Variants in GRSF1 observed in about 807,000 individuals in gnomAD.
The protein encoded by GRSF1 is G-rich RNA sequence binding factor 1.
Under a neutral mutation model 51.1 loss-of-function variants are expected in GRSF1, and 50 were observed. That is an observed-to-expected ratio of 0.98 (90% CI 0.78 to 1.24). GRSF1 has a LOEUF of 1.24. Among genes scored for constraint, GRSF1 ranks in the 50% most tolerant of loss-of-function variants. The probability of loss-of-function intolerance (pLI) is 0.00; values close to 1 mark genes in which losing one functional copy is unlikely to be tolerated. For synonymous variants in GRSF1, 293 were observed against 253.3 expected (o/e 1.16, Z -1.49); for missense variants, 700 against 639.7 (o/e 1.09, Z -1.02).
intron 9 of GRSF1, among the ~76,000 whole-genome samples, chr4:70,823,866 T>G (rs1560593953): frequency 6.7e-6 from 1 of 149,760 alleles, no homozygotes; most frequent in Non-Finnish European, 1.5e-5. Context: ...ACCTAGTCCC[T>G]AAAAAAATTT....
Position 70,839,732 on chromosome 4 carries a change from G to T in GRSF1, c.96C>A (p.Phe32Leu). ...CRRTGAACLP[F>L]YSAAGSIPSG... is the part of the protein sequence containing the mutation. Reference sequence around the variant, plus strand: ...ACGGGATAGAGCCAGCGGCGGAGTAGAAGGGCAGGCAGGCGGCGCCGGTGC... The same window carrying T: ...ACGGGATAGAGCCAGCGGCGGAGTATAAGGGCAGGCAGGCGGCGCCGGTGC... The change falls in exon 1 of 10, where the codon TTC becomes TTA. Residue 32 changes from phenylalanine (F) to leucine (L), a missense_variant. Transcript: ENST00000254799. 6.7e-7 allele frequency: 1 copy of T among 1,501,750 alleles called. No homozygotes were observed. Among genetic ancestry groups the T allele is most frequent in the Non-Finnish European group, 8.8e-7 (1 of 1,133,038 alleles). The allele number at this position is 1,501,750 out of a possible 1,614,324, so 93.0% of individuals were successfully genotyped here. A position where few individuals can be genotyped will look rare whatever the true frequency, so the allele number is the denominator to read the frequency against.
chr4:70,825,380 C>T lies in GRSF1; in HGVS notation c.1309G>A (p.Gly437Arg). 6.2e-7 allele frequency: 1 copy of T among 1,612,000 alleles called. No homozygotes were observed. The highest frequency in any genetic ancestry group is 8.5e-7 in the Non-Finnish European group (1 of 1,178,668). The change falls in exon 8 of 10, where the codon GGG becomes AGG. Residue 437 changes from glycine (G) to arginine (R), a missense_variant. Coordinates refer to ENST00000254799, the MANE Select transcript of GRSF1 (RefSeq NM_002092.4). ...ACATCAGCTTCTCCAGTGGCCTTCC[C>T]ACTGGAGCTGTATTCCATGGTGATT... ...VRITMEYSSS[G>R]KATGEADVHF...
chr4:70,819,954 C>A lies in GRSF1; in HGVS notation c.*933G>T, dbSNP rs1454543783. On this transcript the variant is annotated 3_prime_UTR_variant, in exon 10 of 10. Coordinates refer to ENST00000254799, the MANE Select transcript of GRSF1 (RefSeq NM_002092.4). ...AAATGCTATTTTTATTTAAGCAAGG[C>A]ACCCCTACTTGTTCTAAAATATGGG... 3 of 152,652 alleles carry A rather than the reference C, an allele frequency of 2.0e-5. No homozygotes were observed. The highest frequency in any genetic ancestry group is 4.4e-5 in the Non-Finnish European group (3 of 68,044). The allele number at this position is 152,652 out of a possible 1,614,324, so 9.5% of individuals were successfully genotyped here. A position where few individuals can be genotyped will look rare whatever the true frequency, so the allele number is the denominator to read the frequency against.
Position 70,820,557 on chromosome 4 carries a change from T to C in GRSF1, c.*330A>G, listed in dbSNP as rs911797547. ...TTTAAAGAACACTGCTGAATAAAAA[T>C]ATGTGGTCTTTACAATGAGTAACAT... On this transcript the variant is annotated 3_prime_UTR_variant, in exon 10 of 10. Coordinates refer to ENST00000254799, the MANE Select transcript of GRSF1 (RefSeq NM_002092.4). 1.3e-5 allele frequency: 2 copies of C among 152,236 alleles called. No individual in the cohort carries two copies. The highest frequency in any genetic ancestry group is 2.4e-5 in the African/African-American group (1 of 41,408). 9.4% of individuals were successfully genotyped at this position (152,236 alleles called of 1,614,324 possible).
Position 70,826,101 on chromosome 4 carries a change from T to C in GRSF1, c.1257+23A>G, listed in dbSNP as rs200708806. On this transcript the variant is annotated intron_variant, in intron 7 of 9. Transcript: ENST00000254799. ...GAACTTTTGTTCAAATCTATTGAGA[T>C]TGGATATCTTACTGCCACACACGTT... 9.2e-5 allele frequency: 147 copies of C among 1,597,050 alleles called. No homozygotes were observed. In the East Asian group the frequency reaches 1.2e-3, roughly 13 times the overall value.
chr4:70,821,601 G>A (rs566139079), intron 9 of GRSF1, among the ~76,000 whole-genome samples: 129 of 138,146 alleles, frequency 9.3e-4, no homozygotes, highest in African/African-American at 3.3e-3. Context: ...GAGAGACTCC[G>A]TCTCCCAAAA....
chr4:70,823,357 A>AT (rs1174629026), intron 9 of GRSF1, among the ~76,000 whole-genome samples: 2 of 152,030 alleles, frequency 1.3e-5, no homozygotes, highest in African/African-American at 4.8e-5. Context: ...AGATCGAGCC[A>AT]TTGCACTCCA....
chr4:70,832,944 T>TC (rs1395175211), intron 3 of GRSF1, among the ~76,000 whole-genome samples, 174 bp downstream of exon 3: 2 of 151,438 alleles, frequency 1.3e-5, no homozygotes, highest in Non-Finnish European at 2.9e-5. Context: ...TGAGATTCCA[T>TC]CCCCCCCACA....
chr4:70,824,675 C>T (rs138086797), intron 8 of GRSF1, among the ~76,000 whole-genome samples: 4,099 of 152,092 alleles, frequency 0.027, 82 homozygotes, highest in Middle Eastern at 0.054. Context: ...CCCAGCTACT[C>T]GGGAGGCTGT....
intron 5 of GRSF1, among the ~76,000 whole-genome samples, chr4:70,828,561 A>G (rs950952245): frequency 6.6e-6 from 1 of 151,788 alleles, no homozygotes; most frequent in Non-Finnish European, 1.5e-5. Context: ...ATTAAACCCA[A>G]GCTTCTGGAA....
chr4:70,826,076 G>C (rs752025708), intron 7 of GRSF1, 48 bp downstream of exon 7: 23 of 1,522,680 alleles, frequency 1.5e-5, no homozygotes, highest in Non-Finnish European at 2.0e-5. Context: ...TTCAATTTTA[G>C]AACTTTTGTT....
Position 70,825,414 on chromosome 4 carries a change from C to CTAACTT in GRSF1, c.1274_1275insAAGTTA (p.Lys425_Pro426insSerTer). ...TGTATTCCATGGTGATTCTAACAGG[C>CTAACTT]TTGAGTGGAGCAAAAAACTAAACGA... On this transcript the variant is annotated stop_gained and inframe_insertion, in exon 8 of 10. Transcript: ENST00000254799. LOFTEE classifies it high-confidence loss of function. 1 of 1,609,556 alleles carries CTAACTT rather than the reference C, an allele frequency of 6.2e-7. No homozygotes were observed. Among genetic ancestry groups the CTAACTT allele is most frequent in the Non-Finnish European group, 8.5e-7 (1 of 1,177,148 alleles).
intron 8 of GRSF1, 22 bp from the exon 9 acceptor site, chr4:70,824,390 A>C: frequency 1.6e-6 from 2 of 1,235,502 alleles, no homozygotes; most frequent in South Asian, 2.6e-5. Context: ...GAGAAAGATT[A>C]GTTTTAAAAA....
At chr4:70,824,163 G>A in intron 9 of GRSF1, 131 bp downstream of exon 9, 2 of 450,638 alleles carry the variant, frequency 4.4e-6, no homozygotes, top group East Asian at 3.9e-5. Flanking sequence ...TAGAGACAGG[G>A]TTTCACCATG....
chr4:70,830,460 A>AC (rs1733916040), intron 5 of GRSF1, among the ~76,000 whole-genome samples: 1 of 151,254 alleles, frequency 6.6e-6, no homozygotes, highest in African/African-American at 2.4e-5. Context: ...AAAAAAAAAA[A>AC]AACACACACA....
intron 9 of GRSF1, among the ~76,000 whole-genome samples, chr4:70,821,377 A>G (rs1438107949): frequency 6.6e-6 from 1 of 152,146 alleles, no homozygotes; most frequent in Non-Finnish European, 1.5e-5. Flanking sequence ...GTGAGCTGAG[A>G]CTGTGCCATT....
chr4:70,837,416 G>A (rs1734258754), intron 1 of GRSF1, among the ~76,000 whole-genome samples: 1 of 151,660 alleles, frequency 6.6e-6, no homozygotes, highest in Non-Finnish European at 1.5e-5. Flanking sequence ...TACAAAAAAT[G>A]AGCCGGGTGT....
chr4:70,829,903 G>A (rs1208860065), intron 5 of GRSF1, among the ~76,000 whole-genome samples: 3 of 151,870 alleles, frequency 2.0e-5, no homozygotes, highest in African/African-American at 7.3e-5. Flanking sequence ...TGATTTAAAA[G>A]GCCAGAAAAC....
At chr4:70,825,746 A>G (rs1733710388) in intron 7 of GRSF1, 2 of 288,904 alleles carry the variant, frequency 6.9e-6, no homozygotes, top group Admixed American at 5.2e-5. Flanking sequence ...AGCCTGGCCA[A>G]CATGGTGAAA....
Sources: allele counts gnomAD v4.1 joint callset (sites outside exome capture counted in the v4.1 genomes callset), GRCh38; gene constraint gnomAD v4.1.1; transcripts MANE v1.5; gene names NCBI Gene and HGNC (gene_info 2026-07-23, HGNC 2026-07-21).